The following NETO1 variants were observed in gnomAD, a reference collection of about 807,000 sequenced individuals.
NETO1 encodes the protein neuropilin and tolloid like 1.
NETO1 carries 26 observed loss-of-function variants against 61.3 expected under a neutral mutation model. The ratio of observed to expected loss-of-function variants is 0.42; its 90% CI spans 0.31 to 0.59. The LOEUF is 0.59. Ranked by LOEUF, NETO1 falls within the 20% of genes least tolerant of loss-of-function variation. The pLI is 0.12. For synonymous variants in NETO1, 225 were observed against 225.8 expected, an observed-to-expected ratio of 1.00 and a Z score of 0.03; for missense variants, 531 against 662.8, an observed-to-expected ratio of 0.80 and a Z score of 2.18.
At chr18:72,788,669 A>T (rs1462001525) in intron 6 of NETO1, among the ~76,000 whole-genome samples, 1 of 152,160 alleles carries the variant, frequency 6.6e-6, no homozygotes, top group African/African-American at 2.4e-5. Context: ...AATCATAAAG[A>T]GTTGGAGCTG....
chr18:72,804,926 T>C (rs1000966514), intron 4 of NETO1, among the ~76,000 whole-genome samples: 1 of 152,238 alleles, frequency 6.6e-6, no homozygotes, highest in African/African-American at 2.4e-5. Flanking sequence ...GAAAGTGGCA[T>C]CAAATAAAAT....
chr18:72,821,752 T>C (rs1323702096), intron 4 of NETO1, among the ~76,000 whole-genome samples: 1 of 152,016 alleles, frequency 6.6e-6, no homozygotes, highest in Admixed American at 6.6e-5. Context: ...ATAAAATTGG[T>C]AAAGGTCACA....
chr18:72,749,759 T>C (rs2070529475), intron 9 of NETO1, among the ~76,000 whole-genome samples: 2 of 152,186 alleles, frequency 1.3e-5, no homozygotes, highest in African/African-American at 2.4e-5. Flanking sequence ...TAAATCTGTA[T>C]TATAAATTAA....
At chr18:72,812,039 G>T (rs867665474) in intron 4 of NETO1, among the ~76,000 whole-genome samples, 21 of 152,284 alleles carry the variant, frequency 1.4e-4, no homozygotes, top group African/African-American at 5.1e-4. Flanking sequence ...CCTTAAAACC[G>T]CAATTGTAAG....
intron 8 of NETO1, among the ~76,000 whole-genome samples, chr18:72,752,727 G>T (rs1216200319): frequency 6.6e-6 from 1 of 152,050 alleles, no homozygotes; most frequent in Non-Finnish European, 1.5e-5. Context: ...TAATCAATAT[G>T]TCTAAGGAAC....
intron 4 of NETO1, chr18:72,835,349 T>A: frequency 1.3e-6 from 2 of 1,574,816 alleles, no homozygotes; most frequent in Non-Finnish European, 1.7e-6. Context: ...TAAAGAAGTT[T>A]AATTAGACCA....
At chr18:72,778,144 T>G (rs1451633261) in intron 7 of NETO1, among the ~76,000 whole-genome samples, 1 of 152,178 alleles carries the variant, frequency 6.6e-6, no homozygotes, top group East Asian at 1.9e-4. Flanking sequence ...GTTTTTCTCC[T>G]TCAACTCATT....
At chr18:72,789,264 A>G (rs1260912773) in intron 6 of NETO1, among the ~76,000 whole-genome samples, 2 of 150,306 alleles carry the variant, frequency 1.3e-5, no homozygotes, top group African/African-American at 4.9e-5. Context: ...GCACAGCACA[A>G]TTCCTGATAT....
Position 72,769,915 on chromosome 18 carries a change from C to A in NETO1, c.868+13763G>T, listed in dbSNP as rs28618086. On this transcript the variant is annotated intron_variant, in intron 7 of 10. Coordinates refer to ENST00000327305, the MANE Select transcript of NETO1 (RefSeq NM_138966.5). ...TATGGACTCATCAGCAGTATATATT[C>A]CTAGAGGTAGTATTTCTGATTCAGA... Among the ~76,000 whole-genome samples, 1,302 of 152,108 alleles carry A rather than the reference C, an allele frequency of 8.6e-3. 14 individuals carry two copies. Among genetic ancestry groups the A allele is most frequent in the African/African-American group, 0.03 (1,225 of 41,520 alleles).
In NETO1 at chr18:72,786,883, C is replaced by T. The variant is rs1389668930; in HGVS notation, c.640-2977G>A. 2.6e-5 allele frequency among the ~76,000 whole-genome samples: 4 copies of T among 151,042 alleles called. No individual in the cohort carries two copies. The South Asian group carries it at 6.4e-4, about 24-fold the overall frequency. On this transcript the variant is annotated intron_variant, in intron 6 of 10. Transcript: ENST00000327305. ...AGCTGGAGGTTGCGCCACTGCACTC[C>T]AGCCTGGGCGACAGAGCGAGACCCC...
intron 4 of NETO1, among the ~76,000 whole-genome samples, chr18:72,810,023 T>G (rs2145197721): frequency 6.6e-6 from 1 of 152,308 alleles, no homozygotes; most frequent in East Asian, 1.9e-4. Flanking sequence ...AAACTTTTTC[T>G]AAAAAAATAA....
At chr18:72,771,700 A>C (rs2071357263) in intron 7 of NETO1, among the ~76,000 whole-genome samples, 1 of 152,164 alleles carries the variant, frequency 6.6e-6, no homozygotes, top group African/African-American at 2.4e-5. Flanking sequence ...GAACTACCGA[A>C]AGTAGGACTA....
intron 7 of NETO1, among the ~76,000 whole-genome samples, chr18:72,761,534 A>G (rs1434187505): frequency 6.6e-6 from 1 of 152,172 alleles, no homozygotes; most frequent in Non-Finnish European, 1.5e-5. Context: ...AATTGTTAAG[A>G]GAGACATTCA....
At chr18:72,753,976 A>G (rs1036964165) in intron 8 of NETO1, among the ~76,000 whole-genome samples, 1 of 152,206 alleles carries the variant, frequency 6.6e-6, no homozygotes, top group Non-Finnish European at 1.5e-5. Context: ...ACATACAGTT[A>G]TATAAAGTAA....
chr18:72,865,468 A>G (rs768599634), intron 1 of NETO1: 253 of 1,371,446 alleles, frequency 1.8e-4, no homozygotes, highest in Non-Finnish European at 2.5e-4. Context: ...ATGAGACCCA[A>G]ACTCCTAAGG....
At chr18:72,800,745 C>A (rs1366002864) in intron 4 of NETO1, among the ~76,000 whole-genome samples, 1 of 152,114 alleles carries the variant, frequency 6.6e-6, no homozygotes, top group Non-Finnish European at 1.5e-5. Context: ...CCCTCTCTAT[C>A]TAGGACCTAG....
chr18:72,742,462 A>G (rs1436613920), downstream of NETO1: 1 of 152,188 alleles, frequency 6.6e-6, no homozygotes. Flanking sequence ...TATTTTTATA[A>G]TGCATTATAG....
At chr18:72,853,751 CAAAAA>C (rs5826212) in intron 4 of NETO1, among the ~76,000 whole-genome samples, 1 of 141,346 alleles carries the variant, frequency 7.1e-6, no homozygotes, top group African/African-American at 2.6e-5. Context: ...AGTGAGATGT[CAAAAA>C]AAAAAAAAAG....
At chr18:72,808,743 T>C (rs2072765554) in intron 4 of NETO1, among the ~76,000 whole-genome samples, 1 of 152,226 alleles carries the variant, frequency 6.6e-6, no homozygotes, top group African/African-American at 2.4e-5. Flanking sequence ...ATTTGATGAA[T>C]ATTAGACCCT....
Sources: allele counts gnomAD v4.1 joint callset (sites outside exome capture counted in the v4.1 genomes callset), GRCh38; gene constraint gnomAD v4.1.1; transcripts MANE v1.5; gene names NCBI Gene and HGNC (gene_info 2026-07-23, HGNC 2026-07-21).